Variants in PRKACB observed in about 807,000 individuals in gnomAD.
The protein encoded by PRKACB is cAMP-dependent protein kinase catalytic subunit beta.
PRKACB carries 16 observed loss-of-function variants against 51.4 expected under a neutral mutation model. The observed-to-expected ratio is 0.31, with a 90% CI of 0.21 to 0.47. The LOEUF (loss-of-function observed/expected upper bound fraction) is 0.47, where lower values mean the gene tolerates loss of function less well. PRKACB is among the 20% of genes least tolerant of loss of function. The pLI is 1.00. For synonymous variants in PRKACB, 147 were observed against 154.4 expected (o/e 0.95, Z 0.35); for missense variants, 309 against 464.5 (o/e 0.67, Z 3.08).
At chr1:84,147,660 TA>T (rs1260541820) in intron 1 of PRKACB, among the ~76,000 whole-genome samples, 1 of 151,976 alleles carries the variant, frequency 6.6e-6, no homozygotes, top group Non-Finnish European at 1.5e-5. Context: ...CTGTGGAAGC[TA>T]AGTGTAAGAA....
At chr1:84,175,749 CTT>C (rs1475126665) in intron 1 of PRKACB, 4 of 1,500,878 alleles carry the variant, frequency 2.7e-6, no homozygotes, top group Non-Finnish European at 3.6e-6. Flanking sequence ...TTTTTCATCT[CTT>C]GAATGTGGGT....
chr1:84,079,290 A>C (rs955559361), intron 1 of PRKACB, among the ~76,000 whole-genome samples: 6 of 152,228 alleles, frequency 3.9e-5, no homozygotes, highest in Non-Finnish European at 8.8e-5. Flanking sequence ...TCCAAATAAC[A>C]GATGGTATTT....
At chr1:84,091,502 TTTG>T (rs1454586619) in intron 1 of PRKACB, among the ~76,000 whole-genome samples, 11 of 151,998 alleles carry the variant, frequency 7.2e-5, no homozygotes, top group Non-Finnish European at 1.0e-4. Context: ...TTTTTTGGTT[TTTG>T]TTGTTGTTGT....
At chr1:84,180,019 C>G (rs573018349) in intron 2 of PRKACB, among the ~76,000 whole-genome samples, 113 of 143,332 alleles carry the variant, frequency 7.9e-4, no homozygotes, top group Middle Eastern at 3.4e-3. Flanking sequence ...TTGTTCAACT[C>G]CCACTTATGA....
chr1:84,223,465 T>A (rs779366695), intron 9 of PRKACB, among the ~76,000 whole-genome samples: 12 of 151,392 alleles, frequency 7.9e-5, no homozygotes, highest in Non-Finnish European at 1.3e-4. Flanking sequence ...ACCTCCTGGG[T>A]TCACGCCATT....
intron 9 of PRKACB, among the ~76,000 whole-genome samples, chr1:84,230,283 T>C (rs1454923880): frequency 6.6e-6 from 1 of 151,912 alleles, no homozygotes; most frequent in Non-Finnish European, 1.5e-5. Flanking sequence ...TTCTGTTCCA[T>C]TGATCTATAT....
intron 1 of PRKACB, among the ~76,000 whole-genome samples, chr1:84,147,568 G>A (rs1654274213): frequency 6.6e-6 from 1 of 151,886 alleles, no homozygotes; most frequent in Admixed American, 6.6e-5. Flanking sequence ...ATAAGATCTA[G>A]TTCTTACCCC....
intron 1 of PRKACB, chr1:84,164,555 C>T: frequency 2.1e-6 from 3 of 1,417,068 alleles, no homozygotes; most frequent in Non-Finnish European, 2.9e-6. Flanking sequence ...TTTTATTTGT[C>T]TGGTGGATTA....
chr1:84,102,688 C>T (rs1649442644), intron 1 of PRKACB, among the ~76,000 whole-genome samples: 1 of 152,120 alleles, frequency 6.6e-6, no homozygotes, highest in Admixed American at 6.6e-5. Flanking sequence ...GGGCCCTCAC[C>T]TACTGTGGAA....
intron 9 of PRKACB, among the ~76,000 whole-genome samples, chr1:84,217,387 A>G (rs927184388): frequency 6.6e-6 from 1 of 152,040 alleles, no homozygotes; most frequent in Admixed American, 6.6e-5. Flanking sequence ...TCAGTAGCCA[A>G]TTAAAATCTA....
At position 84,232,352 on chromosome 1, in the gene PRKACB, A is replaced by G. The variant is rs1384879701; in HGVS notation, c.1072-2828A>G. On this transcript the variant is annotated intron_variant, in intron 9 of 9. Coordinates refer to ENST00000370685, the MANE Select transcript of PRKACB (RefSeq NM_182948.4). ...AGCTTTACTTCCAACTCTGTGGTCAATATTGGAATAGGTGTGGTGTGGTGC... is the reference window on the plus strand; with the variant it reads ...AGCTTTACTTCCAACTCTGTGGTCAGTATTGGAATAGGTGTGGTGTGGTGC... 3.9e-5 allele frequency among the ~76,000 whole-genome samples: 6 copies of G among 152,142 alleles called. No homozygotes were observed. The South Asian group carries it at 6.2e-4, about 16-fold the overall frequency.
intron 1 of PRKACB, among the ~76,000 whole-genome samples, chr1:84,099,741 T>C (rs774356694): frequency 1.1e-4 from 16 of 151,824 alleles, no homozygotes; most frequent in Non-Finnish European, 1.6e-4. Flanking sequence ...ATTCACGCAG[T>C]TACTTTCAGA....
intron 1 of PRKACB, among the ~76,000 whole-genome samples, chr1:84,172,224 C>T (rs958571870): frequency 6.6e-6 from 1 of 151,604 alleles, no homozygotes; most frequent in Non-Finnish European, 1.5e-5. Context: ...ATTCTTAACT[C>T]CATATTGTCG....
chr1:84,118,200 A>G (rs1417037162), intron 1 of PRKACB, among the ~76,000 whole-genome samples: 1 of 152,002 alleles, frequency 6.6e-6, no homozygotes, highest in East Asian at 1.9e-4. Flanking sequence ...GCTCCCACCC[A>G]ATCTTGACCA....
At chr1:84,209,135 C>T (rs1041196660) in intron 8 of PRKACB, among the ~76,000 whole-genome samples, 1 of 152,112 alleles carries the variant, frequency 6.6e-6, no homozygotes, top group Non-Finnish European at 1.5e-5. Context: ...ACTAATCATT[C>T]CCTCTCAATC....
At chr1:84,126,372 A>G (rs922598616) in intron 1 of PRKACB, among the ~76,000 whole-genome samples, 2 of 152,082 alleles carry the variant, frequency 1.3e-5, no homozygotes, top group Non-Finnish European at 2.9e-5. Context: ...TGGAGTGGGA[A>G]GGTGGTCTTC....
intron 1 of PRKACB, chr1:84,173,215 T>G: frequency 1.5e-6 from 1 of 661,034 alleles, no homozygotes; most frequent in Non-Finnish European, 2.4e-6. Context: ...GTTCAATTGT[T>G]TTATCATTCT....
intron 2 of PRKACB, among the ~76,000 whole-genome samples, chr1:84,180,492 C>T (rs1283790510): frequency 6.6e-6 from 1 of 151,348 alleles, no homozygotes; most frequent in African/African-American, 2.4e-5. Context: ...GTAATGGATG[C>T]ACCAAAATTT....
chr1:84,235,333 C>A lies in PRKACB; in HGVS notation c.*28C>A, dbSNP rs1316960018. 6.2e-7 allele frequency: 1 copy of A among 1,613,438 alleles called. No individual in the cohort carries two copies. The highest frequency in any genetic ancestry group is 8.5e-7 in the Non-Finnish European group (1 of 1,179,602). On this transcript the variant is annotated 3_prime_UTR_variant, in exon 10 of 10. Coordinates refer to ENST00000370685, the MANE Select transcript of PRKACB (RefSeq NM_182948.4). ...AGGAACAAGATGACATCTGAGCTCA[C>A]ACTCAGTGTTTGCACTCTGTTGAGA... is the stretch of plus-strand genomic sequence containing the variant.
Sources: gnomAD v4.1 joint callset for allele counts (sites outside exome capture counted in the v4.1 genomes callset) on GRCh38, gnomAD v4.1.1 for gene constraint, MANE v1.5 for transcripts, NCBI Gene and HGNC (gene_info 2026-07-23, HGNC 2026-07-21) for gene names.